Variants in FANCI observed in about 807,000 individuals in gnomAD.
The protein encoded by FANCI is FA complementation group I.
In FANCI, 156 loss-of-function variants were observed where a neutral mutation model predicts 176.1. The observed-to-expected ratio is 0.89, with a 90% CI of 0.78 to 1.01. The LOEUF (loss-of-function observed/expected upper bound fraction) is 1.01. FANCI is among the 50% of genes least tolerant of loss of function. The pLI, the probability that FANCI is intolerant of heterozygous loss-of-function variation, is 0.00. For synonymous variants in FANCI, 613 were observed against 541.7 expected (o/e 1.13, Z -1.83); for missense variants, 1,678 against 1,534.1 (o/e 1.09, Z -1.57).
chr15:89,264,434 G>T, intron 8 of FANCI, 88 bp from the exon 9 acceptor site: 1 of 1,046,876 alleles, frequency 9.6e-7, no homozygotes, highest in Non-Finnish European at 1.5e-6. Flanking sequence ...TTGTACTGGA[G>T]AATTCTTTAA....
intron 2 of FANCI, among the ~76,000 whole-genome samples, chr15:89,253,948 C>T (rs2052383648): frequency 6.6e-6 from 1 of 152,140 alleles, no homozygotes; most frequent in Admixed American, 6.5e-5. Flanking sequence ...CTGCCTTGGC[C>T]TCACAAAGTG....
chr15:89,264,709 C>T (rs2052865063), intron 9 of FANCI, 102 bp downstream of exon 9: 3 of 1,016,666 alleles, frequency 3.0e-6, no homozygotes, highest in Non-Finnish European at 4.4e-6. Context: ...CCTACCTTCA[C>T]CTCAGCACAA....
intron 2 of FANCI, among the ~76,000 whole-genome samples, chr15:89,251,052 A>G (rs1293458374): frequency 6.6e-6 from 1 of 151,968 alleles, no homozygotes; most frequent in Non-Finnish European, 1.5e-5. Context: ...TGTGGGGGAA[A>G]AAAACACCAT....
chr15:89,285,350 T>C, intron 18 of FANCI, 132 bp downstream of exon 18: 1 of 1,281,230 alleles, frequency 7.8e-7, no homozygotes, highest in Non-Finnish European at 1.1e-6. Flanking sequence ...TAGCTAGTGA[T>C]GTTTAGTCAA....
chr15:89,279,876 A>G (rs913412896), intron 14 of FANCI, among the ~76,000 whole-genome samples: 1 of 152,164 alleles, frequency 6.6e-6, no homozygotes, highest in Non-Finnish European at 1.5e-5. Context: ...AATTTAGACT[A>G]CTGCCACAGC....
chr15:89,306,140 C>G lies in FANCI; in HGVS notation c.3483C>G (p.Thr1161=). 1 of 1,614,158 alleles carries G rather than the reference C, an allele frequency of 6.2e-7. No homozygotes were observed. Among genetic ancestry groups the G allele is most frequent in the South Asian group, 1.1e-5 (1 of 91,086 alleles). Residue 1161 remains threonine, a synonymous_variant, in exon 32 of 38, where the codon ACC becomes ACG. Coordinates refer to ENST00000310775, the MANE Select transcript of FANCI (RefSeq NM_001113378.2). ...TALPSGSCVD[T]LLKDLCKMYT... Reference sequence around the variant, plus strand: ...TGCCATCAGGCAGCTGTGTGGACACCTTGTTAAAGGACTTGTGCAAAATGT... The same window carrying G: ...TGCCATCAGGCAGCTGTGTGGACACGTTGTTAAAGGACTTGTGCAAAATGT...
chr15:89,292,587 T>C (rs998137301), intron 20 of FANCI, 101 bp from the exon 21 acceptor site: 4 of 1,199,028 alleles, frequency 3.3e-6, no homozygotes, highest in Non-Finnish European at 4.8e-6. Flanking sequence ...TGAATCATTT[T>C]CTTTAGCCTT....
intron 24 of FANCI, among the ~76,000 whole-genome samples, chr15:89,298,985 A>C (rs1432982530): frequency 6.6e-6 from 1 of 152,116 alleles, no homozygotes; most frequent in Non-Finnish European, 1.5e-5. Flanking sequence ...AGTCTGGCCA[A>C]CATGGTGAAA....
chr15:89,253,512 A>AAAAT (rs10691127), intron 2 of FANCI, among the ~76,000 whole-genome samples: 6,949 of 138,588 alleles, frequency 0.05, 211 homozygotes, highest in African/African-American at 0.11. Flanking sequence ...CTGTCTCTTA[A>AAAAT]AAATAAATAA....
At chr15:89,289,477 A>G (rs1479898054) in intron 18 of FANCI, among the ~76,000 whole-genome samples, 3 of 150,908 alleles carry the variant, frequency 2.0e-5, no homozygotes, top group Admixed American at 1.3e-4. Context: ...GCTAATTTTT[A>G]TATTTTTAGT....
chr15:89,284,076 T>G (rs2053726104), intron 17 of FANCI, among the ~76,000 whole-genome samples: 1 of 152,150 alleles, frequency 6.6e-6, no homozygotes, highest in Non-Finnish European at 1.5e-5. Context: ...TATATTTCTT[T>G]TGGATAGCAC....
At chr15:89,312,648 C>T (rs1487034917) in intron 34 of FANCI, among the ~76,000 whole-genome samples, 1 of 152,016 alleles carries the variant, frequency 6.6e-6, no homozygotes, top group African/African-American at 2.4e-5. Context: ...GGCAAAACAC[C>T]GTCTCTACTA....
intron 34 of FANCI, among the ~76,000 whole-genome samples, chr15:89,310,407 G>C (rs767757600): frequency 2.6e-5 from 4 of 152,160 alleles, no homozygotes; most frequent in African/African-American, 4.8e-5. Context: ...TCGTGTTTCT[G>C]ACCCCATTTT....
intron 18 of FANCI, among the ~76,000 whole-genome samples, chr15:89,289,063 T>G (rs2053950954): frequency 6.6e-6 from 1 of 152,068 alleles, no homozygotes. Context: ...TAATTCATCC[T>G]GAATTTGTAT....
chr15:89,264,344 G>T (rs1004968114), intron 8 of FANCI, among the ~76,000 whole-genome samples, 178 bp from the exon 9 acceptor site: 22 of 152,170 alleles, frequency 1.4e-4, no homozygotes, highest in Non-Finnish European at 2.9e-4. Flanking sequence ...ACAGTAAGAG[G>T]TATTTCAAAT....
chr15:89,292,591 T>C (rs1029619943), intron 20 of FANCI, 97 bp from the exon 21 acceptor site: 4 of 1,230,030 alleles, frequency 3.3e-6, no homozygotes, highest in East Asian at 2.3e-5. Flanking sequence ...TCATTTTCTT[T>C]AGCCTTATAG....
Position 89,314,475 on chromosome 15 carries a change from C to G in FANCI, c.3721-137C>G, listed in dbSNP as rs1003383388. 4 of 618,578 alleles carry G rather than the reference C, an allele frequency of 6.5e-6. No homozygotes were observed. In the African/African-American group the frequency reaches 1.1e-4, roughly 16 times the overall value. 38.3% of individuals were successfully genotyped at this position (618,578 alleles called of 1,614,324 possible). On this transcript the variant is annotated intron_variant, in intron 35 of 37. Transcript: ENST00000310775. ...TTGAACTGCCAAAAATTTTAGATTA[C>G]TGGTATACAACTGCATTTGATTGGG...
chr15:89,263,936 T>C lies in FANCI; in HGVS notation c.579T>C (p.Phe193=), dbSNP rs746361181. The C allele has an allele frequency of 2.0e-5, 32 of 1,614,004 alleles. 1 individual carries two copies. The South Asian group carries it at 3.3e-4, about 17-fold the overall frequency. ...DVPLTAEEVE[F]VVEKALSMFS... is the part of the protein sequence containing the mutation. The stretch of plus-strand genomic sequence containing the variant: ...CTCTGACTGCAGAAGAGGTGGAATT[T>C]GTGGTGGAAAAAGCATTGAGCATGT... Residue 193 remains phenylalanine (F), a synonymous_variant, in exon 8 of 38, where the codon TTT becomes TTC. Transcript: ENST00000310775.
In FANCI at chr15:89,317,042, T is replaced by A; in HGVS notation, c.*583T>A. On this transcript the variant is annotated 3_prime_UTR_variant, in exon 38 of 38. Transcript: ENST00000310775. ...TAAATAGAAAATAAGCTTTCTGATT[T>A]ACTTGTTTGGTATTTAAAGCACAGT... 1.7e-6 allele frequency: 1 copy of A among 598,036 alleles called. No homozygotes were observed. The highest frequency in any genetic ancestry group is 3.0e-5 in the Admixed American group (1 of 33,826). The allele number at this position is 598,036 out of a possible 1,614,324, so 37.0% of individuals were successfully genotyped here.
Sources: gnomAD v4.1 joint callset for allele counts (sites outside exome capture counted in the v4.1 genomes callset) on GRCh38, gnomAD v4.1.1 for gene constraint, MANE v1.5 for transcripts, NCBI Gene and HGNC (gene_info 2026-07-23, HGNC 2026-07-21) for gene names.